The following SACM1L variants were observed in gnomAD, a reference collection of about 807,000 sequenced individuals.
SACM1L encodes SAC1 like phosphatidylinositide phosphatase.
Under a neutral mutation model 89.5 loss-of-function variants are expected in SACM1L, and 32 were observed. The ratio of observed to expected loss-of-function variants is 0.36; its 90% CI spans 0.27 to 0.48. The LOEUF is 0.48. Among genes scored for constraint, SACM1L ranks in the 20% least tolerant of loss-of-function variants. The probability of loss-of-function intolerance (pLI) is 0.99; values close to 1 mark genes in which losing one functional copy is unlikely to be tolerated. For synonymous variants in SACM1L, 213 were observed against 232.8 expected (o/e 0.92, Z 0.77); for missense variants, 543 against 708.5 (o/e 0.77, Z 2.65).
intron 10 of SACM1L, 84 bp downstream of exon 10, chr3:45,723,039 C>A: frequency 2.6e-6 from 3 of 1,154,134 alleles, no homozygotes; most frequent in Non-Finnish European, 3.8e-6. Flanking sequence ...TGTATTTATT[C>A]CGCATAAATC....
intron 16 of SACM1L, 57 bp downstream of exon 16, chr3:45,737,901 T>C (rs1216814704): frequency 1.4e-6 from 2 of 1,423,506 alleles, no homozygotes; most frequent in East Asian, 4.6e-5. Flanking sequence ...CCTGGTGCTT[T>C]TAAAAATCAC....
At chr3:45,711,959 T>C (rs976126108) in intron 5 of SACM1L, among the ~76,000 whole-genome samples, 14 of 152,372 alleles carry the variant, frequency 9.2e-5, no homozygotes. Flanking sequence ...TTGCCTCTTA[T>C]CAAGTTACAT....
At chr3:45,716,817 A>G (rs1337488596) in intron 7 of SACM1L, among the ~76,000 whole-genome samples, 6 of 152,190 alleles carry the variant, frequency 3.9e-5, no homozygotes, top group African/African-American at 9.7e-5. Context: ...ACTAGAAGTA[A>G]ATACACTCAC....
At chr3:45,707,732 C>G (rs1417069898) in intron 4 of SACM1L, among the ~76,000 whole-genome samples, 2 of 152,124 alleles carry the variant, frequency 1.3e-5, no homozygotes, top group Middle Eastern at 3.2e-3. Flanking sequence ...TAAAGGAAAC[C>G]TTGGAGATAT....
chr3:45,705,296 A>G, intron 3 of SACM1L, 87 bp downstream of exon 3: 1 of 758,562 alleles, frequency 1.3e-6, no homozygotes, highest in Non-Finnish European at 2.3e-6. Flanking sequence ...ACGATGAAGT[A>G]ATACTTTGTA....
At chr3:45,707,556 A>G (rs1698427973) in intron 4 of SACM1L, among the ~76,000 whole-genome samples, 1 of 152,238 alleles carries the variant, frequency 6.6e-6, no homozygotes, top group Non-Finnish European at 1.5e-5. Context: ...GCATAGAAGA[A>G]GTAGCTGACC....
At chr3:45,696,439 T>C (rs1486519901) in intron 1 of SACM1L, among the ~76,000 whole-genome samples, 1 of 152,216 alleles carries the variant, frequency 6.6e-6, no homozygotes, top group Non-Finnish European at 1.5e-5. Flanking sequence ...AGTATACAAA[T>C]ACCTTTTTGA....
Position 45,732,061 on chromosome 3 carries a change from C to T in SACM1L, c.1010C>T (p.Ala337Val). 1 of 1,579,022 alleles carries T rather than the reference C, an allele frequency of 6.3e-7. No homozygotes were observed. ...SLGSGMMRYI[A>V]FDFHKECKNM... ...ATCTTTTCTTTTGGTAGATACATTG[C>T]CTTTGACTTCCATAAGGAATGTAAA... Residue 337 changes from alanine (A) to valine (V), a missense_variant, in exon 13 of 20, where the codon GCC (alanine) becomes GTC (valine). Physicochemically the swap from Ala to Val is moderately conservative, Grantham distance 64 (BLOSUM62 0). Around this residue, in one of 2 missense-constraint regions of SACM1L, gnomAD observed 370 missense variants for 527.6 expected, o/e 0.70. Transcript: ENST00000389061.
intron 13 of SACM1L, among the ~76,000 whole-genome samples, chr3:45,733,180 C>T (rs997832471): frequency 2.6e-5 from 4 of 152,120 alleles, no homozygotes; most frequent in Non-Finnish European, 5.9e-5. Context: ...AGTTTGTGTT[C>T]GTTGCTGTTC....
At chr3:45,723,330 G>A (rs1698833093) in intron 10 of SACM1L, 145 bp from the exon 11 acceptor site, 1 of 345,178 alleles carries the variant, frequency 2.9e-6, no homozygotes, top group African/African-American at 2.1e-5. Context: ...ATAGCTAGAA[G>A]GCATAGTTCA....
At chr3:45,698,965 G>A (rs1429432589) in intron 1 of SACM1L, among the ~76,000 whole-genome samples, 6 of 152,144 alleles carry the variant, frequency 3.9e-5, no homozygotes, top group South Asian at 2.1e-4. Flanking sequence ...TAGTAGAGAC[G>A]GGTTTCACCA....
intron 4 of SACM1L, 106 bp from the exon 5 acceptor site, chr3:45,709,392 T>C (rs979041664): frequency 1.0e-6 from 1 of 962,632 alleles, no homozygotes; most frequent in Non-Finnish European, 1.5e-6. Context: ...CTTGTGCCAG[T>C]AGTCTTTAAT....
chr3:45,697,422 G>A (rs1698159431), intron 1 of SACM1L, among the ~76,000 whole-genome samples: 1 of 151,276 alleles, frequency 6.6e-6, no homozygotes. Context: ...GGCCACAGGT[G>A]CATACCACCA....
intron 13 of SACM1L, among the ~76,000 whole-genome samples, chr3:45,733,103 GTTCCTTGGGTTCACCCATTAAC>G (rs1397090345): frequency 6.6e-6 from 1 of 152,200 alleles, no homozygotes; most frequent in Non-Finnish European, 1.5e-5. Context: ...GGAGGAGGTA[GTTCCTTGGGTTCACCCATTAAC>G]TGCTGCCGTA....
At position 45,689,815 on chromosome 3, in the gene SACM1L, T is replaced by G. The variant is rs1490910564; in HGVS notation, c.32+318T>G. ...CCTTCAGGGCACGCTTGTCCCCACT[T>G]TCTATGCAGAGCTACCGACTAAATT... On this transcript the variant is annotated intron_variant, in intron 1 of 19. Transcript: ENST00000389061. The G allele has an allele frequency of 4.1e-5, 22 of 531,714 alleles. No homozygotes were observed. The East Asian group carries it at 6.7e-4, about 16-fold the overall frequency. The allele number at this position is 531,714 out of a possible 1,614,324, so 32.9% of individuals were successfully genotyped here. A position where few individuals can be genotyped will look rare whatever the true frequency, so the allele number is the denominator to read the frequency against.
intron 11 of SACM1L, chr3:45,730,754 C>T (rs1699033585): frequency 6.6e-6 from 1 of 152,208 alleles, no homozygotes; most frequent in Admixed American, 6.5e-5. Context: ...GCTTCTTCTC[C>T]AGCCTTTAGA....
At chr3:45,739,394 A>G (rs1277108496) in intron 18 of SACM1L, among the ~76,000 whole-genome samples, 193 bp from the exon 19 acceptor site, 2 of 152,132 alleles carry the variant, frequency 1.3e-5, no homozygotes, top group Non-Finnish European at 2.9e-5. Context: ...CGATCTTACC[A>G]CATCCCCCAT....
chr3:45,737,623 A>C lies in SACM1L; in HGVS notation c.1280A>C (p.Gln427Pro). 6.3e-7 allele frequency: 1 copy of C among 1,593,932 alleles called. No individual in the cohort carries two copies. The highest frequency in any genetic ancestry group is 8.5e-7 in the Non-Finnish European group (1 of 1,175,388). ...CATGTGGGACAAAAGCTTGAAGAACAAGATGAATTTGAGAAGATTTACAAA... is the reference window on the plus strand; with the variant it reads ...CATGTGGGACAAAAGCTTGAAGAACCAGATGAATTTGAGAAGATTTACAAA... ...VLHVGQKLEE[Q>P]DEFEKIYKNA... Residue 427 changes from glutamine to proline, a missense_variant, in exon 15 of 20, where the codon CAA (glutamine) becomes CCA (proline). Coordinates refer to ENST00000389061, the MANE Select transcript of SACM1L (RefSeq NM_014016.5).
At chr3:45,691,064 A>G (rs939558642) in intron 1 of SACM1L, among the ~76,000 whole-genome samples, 5 of 152,220 alleles carry the variant, frequency 3.3e-5, no homozygotes, top group African/African-American at 4.8e-5. Context: ...CTTAAAACAA[A>G]CCCAAATCCT....
Sources: allele counts gnomAD v4.1 joint callset (sites outside exome capture counted in the v4.1 genomes callset), GRCh38; gene constraint gnomAD v4.1.1; regional missense constraint gnomAD v4.1.1; transcripts MANE v1.5; gene names NCBI Gene and HGNC (gene_info 2026-07-23, HGNC 2026-07-21).